DLG2: variants seen among roughly 807,000 people sequenced by gnomAD.
DLG2 encodes the protein disks large homolog 2.
In DLG2, 45 loss-of-function variants were observed where a neutral mutation model predicts 132.5. The ratio of observed to expected loss-of-function variants is 0.34; its 90% CI spans 0.27 to 0.44. DLG2 has a LOEUF of 0.44. DLG2 is among the 20% of genes least tolerant of loss of function. DLG2 has a pLI of 1.00. For synonymous variants in DLG2, 424 were observed against 419.6 expected, an observed-to-expected ratio of 1.01 and a Z score of -0.13; for missense variants, 1,045 against 1,196.9, an observed-to-expected ratio of 0.87 and a Z score of 1.87.
chr11:85,062,121 C>T lies in DLG2; in HGVS notation c.357+49540G>A, dbSNP rs542132416. Among the ~76,000 whole-genome samples the T allele has an allele frequency of 2.0e-5, 3 of 151,926 alleles. No homozygotes were observed. The East Asian group carries it at 5.8e-4, about 30-fold the overall frequency. On this transcript the variant is annotated intron_variant, in intron 6 of 27. Transcript: ENST00000376104. The stretch of plus-strand genomic sequence containing the variant: ...ACTGATAAAATCTAAAGCTAGGCCT[C>T]TTTCATTTTGGTTATCTGAAATTGA...
At chr11:84,578,304 G>C (rs1005442680) in intron 6 of DLG2, among the ~76,000 whole-genome samples, 1 of 152,034 alleles carries the variant, frequency 6.6e-6, no homozygotes, top group Non-Finnish European at 1.5e-5. Flanking sequence ...CCAGACCCCA[G>C]AATGGTAGAT....
intron 17 of DLG2, among the ~76,000 whole-genome samples, chr11:83,810,662 C>T (rs779020278): frequency 6.6e-5 from 10 of 152,072 alleles, no homozygotes; most frequent in African/African-American, 1.2e-4. Context: ...TTTTAAAATA[C>T]CTACATACTG....
chr11:85,166,498 C>T (rs2078461406), intron 4 of DLG2, among the ~76,000 whole-genome samples: 1 of 152,024 alleles, frequency 6.6e-6, no homozygotes, highest in East Asian at 1.9e-4. Flanking sequence ...TTATGACTCC[C>T]TCCTCCACAC....
chr11:83,853,159 C>T (rs372527207), intron 16 of DLG2, among the ~76,000 whole-genome samples: 5 of 152,036 alleles, frequency 3.3e-5, no homozygotes, highest in Middle Eastern at 3.2e-3. Context: ...TGATTTTCTC[C>T]GAATTCCTAG....
At chr11:83,478,049 T>C (rs935632574) in intron 22 of DLG2, among the ~76,000 whole-genome samples, 5 of 152,128 alleles carry the variant, frequency 3.3e-5, no homozygotes, top group African/African-American at 4.8e-5. Flanking sequence ...TGTCACACTT[T>C]GTGCACTTTT....
At chr11:84,613,218 A>C (rs988519927) in intron 6 of DLG2, among the ~76,000 whole-genome samples, 2 of 152,152 alleles carry the variant, frequency 1.3e-5, no homozygotes, top group Non-Finnish European at 2.9e-5. Context: ...CAAATCAGGA[A>C]GGAAATATCG....
intron 7 of DLG2, among the ~76,000 whole-genome samples, chr11:84,457,682 T>C (rs1193781053): frequency 2.0e-5 from 3 of 150,982 alleles, no homozygotes; most frequent in Non-Finnish European, 3.0e-5. Flanking sequence ...TCCAGCTGTT[T>C]CTGAGAGCAA....
At chr11:84,884,905 A>G (rs920125592) in intron 6 of DLG2, among the ~76,000 whole-genome samples, 1 of 152,112 alleles carries the variant, frequency 6.6e-6, no homozygotes, top group African/African-American at 2.4e-5. Flanking sequence ...CTATGCCACA[A>G]GGAATGTAAA....
At chr11:84,914,305 C>A (rs112311311) in intron 6 of DLG2, among the ~76,000 whole-genome samples, 10 of 152,222 alleles carry the variant, frequency 6.6e-5, no homozygotes, top group African/African-American at 2.2e-4. Context: ...CTCCCATGGT[C>A]AAATGACTTT....
At chr11:84,072,337 C>A (rs2154145415) in intron 10 of DLG2, among the ~76,000 whole-genome samples, 1 of 152,318 alleles carries the variant, frequency 6.6e-6, no homozygotes, top group South Asian at 2.1e-4. Context: ...TTAGCCACCT[C>A]CAGACCCGGG....
At chr11:84,674,271 C>T (rs1213342654) in intron 6 of DLG2, among the ~76,000 whole-genome samples, 1 of 152,080 alleles carries the variant, frequency 6.6e-6, no homozygotes, top group Non-Finnish European at 1.5e-5. Flanking sequence ...GTAATAGCTC[C>T]TCACACAGTC....
chr11:84,644,779 T>G (rs1172484939), intron 6 of DLG2, among the ~76,000 whole-genome samples: 1 of 148,904 alleles, frequency 6.7e-6, no homozygotes, highest in Non-Finnish European at 1.5e-5. Flanking sequence ...AAATGGGGAG[T>G]GTGGGAAACT....
intron 6 of DLG2, among the ~76,000 whole-genome samples, chr11:84,977,708 C>T (rs564057160): frequency 3.4e-4 from 51 of 152,136 alleles, no homozygotes; most frequent in African/African-American, 1.2e-3. Context: ...AATCAGTGAC[C>T]CACTTCTCCT....
chr11:84,056,647 C>T (rs1018066742), intron 11 of DLG2, among the ~76,000 whole-genome samples: 2 of 152,052 alleles, frequency 1.3e-5, no homozygotes, highest in Non-Finnish European at 2.9e-5. Flanking sequence ...TTATAAGGTG[C>T]CAAGTGAAGT....
intron 7 of DLG2, among the ~76,000 whole-genome samples, chr11:84,319,361 A>G (rs2098389957): frequency 6.6e-6 from 1 of 152,160 alleles, no homozygotes; most frequent in Admixed American, 6.5e-5. Context: ...CAATGCCATC[A>G]CTCTCAAATG....
intron 7 of DLG2, among the ~76,000 whole-genome samples, chr11:84,265,602 G>A (rs183286128): frequency 5.4e-4 from 82 of 152,168 alleles, no homozygotes; most frequent in African/African-American, 1.7e-3. Flanking sequence ...GATAAAACTC[G>A]TCTTGCCTAA....
intron 7 of DLG2, among the ~76,000 whole-genome samples, chr11:84,379,743 G>C (rs11820638): frequency 0.057 from 8,590 of 151,602 alleles, 815 homozygotes; most frequent in African/African-American, 0.19. Context: ...CTTTTAATGA[G>C]AGTTTCAGTA....
intron 6 of DLG2, among the ~76,000 whole-genome samples, chr11:84,810,643 T>G (rs2076453669): frequency 6.6e-6 from 1 of 152,090 alleles, no homozygotes; most frequent in Admixed American, 6.6e-5. Context: ...AAATAAAAAC[T>G]TATGTTCAAA....
intron 12 of DLG2, among the ~76,000 whole-genome samples, chr11:83,979,346 T>C (rs1488844796): frequency 1.3e-5 from 2 of 152,172 alleles, no homozygotes; most frequent in South Asian, 2.1e-4. Flanking sequence ...TTGGAGATAA[T>C]GGCTCCTTGC....
Sources: allele counts gnomAD v4.1 joint callset (sites outside exome capture counted in the v4.1 genomes callset), GRCh38; gene constraint gnomAD v4.1.1; transcripts MANE v1.5; gene names NCBI Gene and HGNC (gene_info 2026-07-23, HGNC 2026-07-21).